Variants in UGGT1 observed in about 807,000 individuals in gnomAD.
The protein encoded by UGGT1 is UDP-glucose:glycoprotein glucosyltransferase 1.
Under a neutral mutation model 203.9 loss-of-function variants are expected in UGGT1, and 107 were observed. The observed-to-expected ratio is 0.52, with a 90% CI of 0.45 to 0.62. The LOEUF (loss-of-function observed/expected upper bound fraction) is 0.62, where lower values mean the gene tolerates loss of function less well. UGGT1 is among the 20% of genes least tolerant of loss of function. The pLI is 0.00. For missense variants in UGGT1, 1,673 were observed against 1,867.2 expected (o/e 0.90, Z 1.92); for synonymous variants, 628 against 653.5 (o/e 0.96, Z 0.59).
At chr2:128,179,927 T>G (rs1042047349) in intron 35 of UGGT1, 57 bp downstream of exon 35, 13 of 1,507,908 alleles carry the variant, frequency 8.6e-6, no homozygotes, top group Non-Finnish European at 8.2e-6. Flanking sequence ...TACTGTATAT[T>G]TTTCATGACT....
At chr2:128,158,422 G>A (rs1375663211) in intron 22 of UGGT1, among the ~76,000 whole-genome samples, 5 of 152,148 alleles carry the variant, frequency 3.3e-5, no homozygotes, top group South Asian at 4.1e-4. Context: ...TCTCATATTA[G>A]GGAATAGGTT....
At chr2:128,160,428 C>G (rs759708475) in intron 23 of UGGT1, 32 bp from the exon 24 acceptor site, 1 of 1,571,706 alleles carries the variant, frequency 6.4e-7, no homozygotes, top group Non-Finnish European at 8.6e-7. Flanking sequence ...TTAGTAACGA[C>G]TATTTTTCCT....
chr2:128,188,922 A>G (rs186928122), intron 40 of UGGT1, among the ~76,000 whole-genome samples: 1 of 152,362 alleles, frequency 6.6e-6, no homozygotes, highest in East Asian at 1.9e-4. Flanking sequence ...AGTAACCATA[A>G]AAGTAATTAA....
At chr2:128,126,923 TC>T (rs903038501) in intron 11 of UGGT1, among the ~76,000 whole-genome samples, 1 of 152,094 alleles carries the variant, frequency 6.6e-6, no homozygotes, top group Admixed American at 6.6e-5. Context: ...CCTCAAGTGA[TC>T]CACCTGCCTT....
chr2:128,127,103 C>T (rs1032077924), intron 11 of UGGT1, among the ~76,000 whole-genome samples: 4 of 152,102 alleles, frequency 2.6e-5, no homozygotes, highest in African/African-American at 9.7e-5. Flanking sequence ...TCCATGATCT[C>T]CTTATTTTTT....
intron 26 of UGGT1, among the ~76,000 whole-genome samples, chr2:128,168,359 A>G (rs1028819045): frequency 6.6e-6 from 1 of 152,338 alleles, no homozygotes; most frequent in Admixed American, 6.5e-5. Context: ...GATCGAAAGC[A>G]CCTACCTCAA....
At chr2:128,133,543 T>C (rs1688985100) in intron 14 of UGGT1, among the ~76,000 whole-genome samples, 1 of 152,246 alleles carries the variant, frequency 6.6e-6, no homozygotes, top group Non-Finnish European at 1.5e-5. Flanking sequence ...TAATTTGTTT[T>C]TAATTTTAAA....
rs1319993260 is a variant in UGGT1 at position 128,191,575 on chromosome 2, T to C, written c.*1833T>C. On this transcript the variant is annotated 3_prime_UTR_variant, in exon 41 of 41. Coordinates refer to ENST00000259253, the MANE Select transcript of UGGT1 (RefSeq NM_020120.4). ...ATCAGTAAGATTAAAAAACTTTTGT[T>C]CGGCCAGGCGTGGTGGCTCACACCT... The C allele has an allele frequency of 1.3e-5, 2 of 152,396 alleles. No homozygotes were observed. The highest frequency in any genetic ancestry group is 4.8e-5 in the African/African-American group (2 of 41,436). The allele number at this position is 152,396 out of a possible 1,614,324, so 9.4% of individuals were successfully genotyped here.
chr2:128,187,235 A>G, intron 39 of UGGT1: 1 of 436,470 alleles, frequency 2.3e-6, no homozygotes, highest in Non-Finnish European at 3.9e-6. Context: ...ATGGACTTTC[A>G]CTTTTCCTGC....
At chr2:128,181,682 T>A (rs1433193728) in intron 36 of UGGT1, among the ~76,000 whole-genome samples, 1 of 152,236 alleles carries the variant, frequency 6.6e-6, no homozygotes, top group Non-Finnish European at 1.5e-5. Flanking sequence ...TGGAATTCTC[T>A]TCCACTGGCT....
At position 128,176,849 on chromosome 2, in the gene UGGT1, A is replaced by AGGT; in HGVS notation, c.3579_3581dup (p.Val1194dup). On this transcript the variant is annotated inframe_insertion, in exon 32 of 41. Coordinates refer to ENST00000259253, the MANE Select transcript of UGGT1 (RefSeq NM_020120.4). ...ACTGATTCTCCCCCTGATGCTGATG[A>AGGT]GGTGGTTATCGTCCTCAACAACTTC... 7 of 1,614,144 alleles carry AGGT rather than the reference A, an allele frequency of 4.3e-6. No homozygotes were observed. Among genetic ancestry groups the AGGT allele is most frequent in the Non-Finnish European group, 3.4e-6 (4 of 1,180,016 alleles).
In UGGT1 at chr2:128,091,213, C is replaced by G. The variant is rs1686837047; in HGVS notation, c.-145C>G. On this transcript the variant is annotated 5_prime_UTR_variant, in exon 1 of 41. Transcript: ENST00000259253. ...AGGGCGGCCGGCAGCTGGGCAATTG[C>G]TTTGCGAGGCTGGGTGTTGAGTCGA... is the stretch of plus-strand genomic sequence containing the variant. The G allele has an allele frequency of 2.2e-6, 2 of 910,940 alleles. No individual in the cohort carries two copies. The highest frequency in any genetic ancestry group is 3.1e-6 in the Non-Finnish European group (2 of 637,570). The allele number at this position is 910,940 out of a possible 1,614,324, so 56.4% of individuals were successfully genotyped here.
chr2:128,177,110 C>G (rs1691435329), intron 32 of UGGT1, among the ~76,000 whole-genome samples: 1 of 151,518 alleles, frequency 6.6e-6, no homozygotes, highest in African/African-American at 2.4e-5. Flanking sequence ...CAGAACATGT[C>G]CCATCTTATA....
intron 10 of UGGT1, among the ~76,000 whole-genome samples, chr2:128,122,148 A>G (rs552241198): frequency 3.3e-5 from 5 of 152,164 alleles, no homozygotes; most frequent in Non-Finnish European, 4.4e-5. Context: ...TAATTTTTGT[A>G]TTTTTAGTAG....
chr2:128,110,100 T>C (rs1687777642), intron 5 of UGGT1, among the ~76,000 whole-genome samples: 1 of 152,182 alleles, frequency 6.6e-6, no homozygotes, highest in African/African-American at 2.4e-5. Flanking sequence ...AATAATGATA[T>C]TAATGATAAT....
intron 1 of UGGT1, among the ~76,000 whole-genome samples, chr2:128,096,461 G>A (rs2105330310): frequency 6.6e-6 from 1 of 152,312 alleles, no homozygotes; most frequent in South Asian, 2.1e-4. Flanking sequence ...TGACTCTTCA[G>A]CTTCTGGTAG....
intron 1 of UGGT1, among the ~76,000 whole-genome samples, chr2:128,093,760 C>G (rs546232919): frequency 2.2e-4 from 33 of 152,132 alleles, no homozygotes; most frequent in Non-Finnish European, 1.9e-4. Context: ...CTAAGCACTG[C>G]TATTTATTAG....
chr2:128,180,826 A>G lies in UGGT1; in HGVS notation c.3901-64A>G, dbSNP rs114936381. On this transcript the variant is annotated intron_variant, in intron 35 of 40. Transcript: ENST00000259253. ...TCCCGTATCATGGTGGTTGGCTTAC[A>G]TTATGAAAGCAGTTTTCTTAATCAG... 668 of 1,523,718 alleles carry G rather than the reference A, an allele frequency of 4.4e-4. 5 individuals carry two copies. In the African/African-American group the frequency reaches 7.4e-3, roughly 17 times the overall value. The allele number at this position is 1,523,718 out of a possible 1,614,324, so 94.4% of individuals were successfully genotyped here.
At chr2:128,112,973 A>G (rs1028451482) in intron 5 of UGGT1, 111 bp from the exon 6 acceptor site, 1 of 1,006,078 alleles carries the variant, frequency 9.9e-7, no homozygotes, top group African/African-American at 1.7e-5. Flanking sequence ...CTTCATATTA[A>G]GATGCTTATA....
Sources: allele counts gnomAD v4.1 joint callset (sites outside exome capture counted in the v4.1 genomes callset), GRCh38; gene constraint gnomAD v4.1.1; transcripts MANE v1.5; gene names NCBI Gene and HGNC (gene_info 2026-07-23, HGNC 2026-07-21).